The following MBNL1 variants were observed in gnomAD, a reference collection of about 807,000 sequenced individuals.
MBNL1 encodes muscleblind-like protein 1.
A neutral mutation model predicts 42.2 loss-of-function variants in MBNL1; 8 were observed. The observed-to-expected ratio is 0.19, with a 90% CI of 0.11 to 0.34. The LOEUF is 0.34. Among genes scored for constraint, MBNL1 ranks in the 10% least tolerant of loss-of-function variants. The probability of loss-of-function intolerance (pLI) is 1.00; values close to 1 mark genes in which losing one functional copy is unlikely to be tolerated. For missense variants in MBNL1, 309 were observed against 495.3 expected, an observed-to-expected ratio of 0.62 and a Z score of 3.57; for synonymous variants, 169 against 173.9, an observed-to-expected ratio of 0.97 and a Z score of 0.22.
chr3:152,420,122 A>G (rs1159225194), intron 3 of MBNL1, among the ~76,000 whole-genome samples: 3 of 152,212 alleles, frequency 2.0e-5, no homozygotes, highest in African/African-American at 2.4e-5. Context: ...GGGCTTATAC[A>G]TAAAACTCCC....
intron 2 of MBNL1, among the ~76,000 whole-genome samples, chr3:152,351,393 A>G (rs2094962823): frequency 6.6e-6 from 1 of 152,208 alleles, no homozygotes; most frequent in African/African-American, 2.4e-5. Flanking sequence ...CATAGCAAAA[A>G]TAACTCTAAG....
At chr3:152,253,636 C>A (rs1003732408) in intron 2 of MBNL1, among the ~76,000 whole-genome samples, 1 of 152,082 alleles carries the variant, frequency 6.6e-6, no homozygotes, top group Non-Finnish European at 1.5e-5. Flanking sequence ...TTCATCTCTT[C>A]ATTCATGATA....
intron 2 of MBNL1, among the ~76,000 whole-genome samples, chr3:152,410,286 G>A (rs1042600217): frequency 6.6e-6 from 1 of 152,074 alleles, no homozygotes; most frequent in Non-Finnish European, 1.5e-5. Flanking sequence ...AGACTAATGA[G>A]ATAATTCTTA....
At position 152,427,417 on chromosome 3, in the gene MBNL1, C is replaced by G. The variant is rs563313242; in HGVS notation, c.346-5300C>G. On this transcript the variant is annotated intron_variant, in intron 3 of 9. Coordinates refer to ENST00000324210, the MANE Select transcript of MBNL1 (RefSeq NM_021038.5). The stretch of plus-strand genomic sequence containing the variant: ...TACCCTTTTTTTAAAGATAGAGGGT[C>G]TTGCTTTGTCACCCAGGCTAGAAGG... Among the ~76,000 whole-genome samples, 27 of 152,160 alleles carry G rather than the reference C, an allele frequency of 1.8e-4. No homozygotes were observed. The South Asian group carries it at 5.6e-3, about 32-fold the overall frequency.
intron 3 of MBNL1, among the ~76,000 whole-genome samples, chr3:152,418,385 T>C (rs142187335): frequency 9.3e-4 from 141 of 152,126 alleles, no homozygotes; most frequent in African/African-American, 3.3e-3. Context: ...TTAAGATCTC[T>C]AACCTAGCTG....
At chr3:152,369,930 T>TATTTTGTGA (rs1239543952) in intron 2 of MBNL1, among the ~76,000 whole-genome samples, 1 of 152,168 alleles carries the variant, frequency 6.6e-6, no homozygotes, top group Non-Finnish European at 1.5e-5. Context: ...GCTAGTAGTC[T>TATTTTGTGA]ATCTATTTTG....
intron 3 of MBNL1, among the ~76,000 whole-genome samples, chr3:152,416,006 C>T (rs187964234): frequency 1.4e-3 from 215 of 152,292 alleles, no homozygotes; most frequent in Non-Finnish European, 2.3e-3. Flanking sequence ...CAGAATATAT[C>T]TGTCAGTAAT....
chr3:152,268,711 G>C, upstream of MBNL1: 2 of 454,442 alleles, frequency 4.4e-6, no homozygotes, highest in Non-Finnish European at 4.4e-6. Flanking sequence ...ACCCGCTCTT[G>C]CGGGCTCTGT....
chr3:152,319,614 G>GTTTTTTTTTTT (rs202070328), intron 2 of MBNL1, among the ~76,000 whole-genome samples: 18 of 80,518 alleles, frequency 2.2e-4, no homozygotes, highest in South Asian at 4.4e-4. Context: ...GTTCTATACT[G>GTTTTTTTTTTT]TTTTTTTTTT....
chr3:152,301,688 T>C lies in MBNL1; in HGVS notation c.174+1321T>C, dbSNP rs551528422. 3.3e-5 allele frequency among the ~76,000 whole-genome samples: 5 copies of C among 152,306 alleles called. No homozygotes were observed. In the East Asian group the frequency reaches 7.7e-4, roughly 23 times the overall value. ...AATAAGCAAAAGTTATAAACTCCCA[T>C]TGAGACTTTCTTCACCCTTTCCTTT... is the stretch of plus-strand genomic sequence containing the variant. On this transcript the variant is annotated intron_variant, in intron 2 of 9. Transcript: ENST00000324210.
rs114004138 is a variant in MBNL1, at chr3:152,383,981, T to A, written c.175-30960T>A. 3.8e-3 allele frequency among the ~76,000 whole-genome samples: 573 copies of A among 152,202 alleles called. 3 individuals carry two copies. Among genetic ancestry groups the A allele is most frequent in the African/African-American group, 0.013 (549 of 41,554 alleles). On this transcript the variant is annotated intron_variant, in intron 2 of 9. Coordinates refer to ENST00000324210, the MANE Select transcript of MBNL1 (RefSeq NM_021038.5). ...ATTTATTACCTATTAGATATATTAT[T>A]TATTCAGGTTAAATGAGAATTTGGC...
At chr3:152,365,341 C>T (rs1274929908) in intron 2 of MBNL1, among the ~76,000 whole-genome samples, 2 of 151,996 alleles carry the variant, frequency 1.3e-5, no homozygotes, top group African/African-American at 4.8e-5. Context: ...CAGGTTTCAG[C>T]AACGAAACAG....
intron 2 of MBNL1, among the ~76,000 whole-genome samples, chr3:152,319,614 G>GCTT (rs1184071631): frequency 2.5e-5 from 2 of 80,534 alleles, no homozygotes; most frequent in Non-Finnish European, 2.3e-5. Context: ...GTTCTATACT[G>GCTT]TTTTTTTTTT....
chr3:152,296,386 G>A (rs1457387715), intron 1 of MBNL1, among the ~76,000 whole-genome samples: 1 of 152,182 alleles, frequency 6.6e-6, no homozygotes, highest in Non-Finnish European at 1.5e-5. Context: ...GGCAGGAGGA[G>A]GGAGAACTGG....
At chr3:152,376,232 A>T (rs1166314170) in intron 2 of MBNL1, among the ~76,000 whole-genome samples, 2 of 152,224 alleles carry the variant, frequency 1.3e-5, no homozygotes, top group Non-Finnish European at 2.9e-5. Context: ...TGATAGAAAT[A>T]TTTAAAATGT....
At chr3:152,443,519 ATTAT>A (rs1411807734) in intron 4 of MBNL1, among the ~76,000 whole-genome samples, 1 of 63,000 alleles carries the variant, frequency 1.6e-5, no homozygotes, top group African/African-American at 6.4e-5. Flanking sequence ...ACTTTTTATC[ATTAT>A]TTAATGTAGG....
intron 2 of MBNL1, among the ~76,000 whole-genome samples, chr3:152,344,610 T>G (rs2152894917): frequency 6.6e-6 from 1 of 152,322 alleles, no homozygotes; most frequent in Non-Finnish European, 1.5e-5. Flanking sequence ...AGTGCTCCTG[T>G]CAGTGTGGAA....
chr3:152,403,296 C>T (rs923079053), intron 2 of MBNL1, among the ~76,000 whole-genome samples: 1 of 152,180 alleles, frequency 6.6e-6, no homozygotes, highest in Admixed American at 6.5e-5. Context: ...AGAATATGCA[C>T]TACAGCTTCT....
intron 6 of MBNL1, among the ~76,000 whole-genome samples, chr3:152,454,193 G>T (rs1412597918): frequency 6.6e-6 from 1 of 152,130 alleles, no homozygotes; most frequent in Non-Finnish European, 1.5e-5. Flanking sequence ...CACTTGATAG[G>T]ATGTGTCCCC....
Sources: allele counts gnomAD v4.1 joint callset (sites outside exome capture counted in the v4.1 genomes callset), GRCh38; gene constraint gnomAD v4.1.1; transcripts MANE v1.5; gene names NCBI Gene and HGNC (gene_info 2026-07-23, HGNC 2026-07-21).